The following TLN2 variants were observed in gnomAD, a reference collection of about 807,000 sequenced individuals.
TLN2 encodes the protein talin 2, also known as talin-2.
In TLN2, 118 loss-of-function variants were observed where a neutral mutation model predicts 294.7. The observed-to-expected ratio is 0.40, with a 90% CI of 0.34 to 0.47. The LOEUF (loss-of-function observed/expected upper bound fraction) is 0.47, where lower values mean the gene tolerates loss of function less well. Among genes scored for constraint, TLN2 ranks in the 20% least tolerant of loss-of-function variants. The probability of loss-of-function intolerance (pLI) is 0.84; values close to 1 mark genes in which losing one functional copy is unlikely to be tolerated. For synonymous variants in TLN2, 1,431 were observed against 1,304.5 expected (o/e 1.10, Z -2.09); for missense variants, 3,083 against 3,282.2 (o/e 0.94, Z 1.48).
chr15:62,705,517 T>A (rs781337269), intron 19 of TLN2, among the ~76,000 whole-genome samples: 2 of 152,192 alleles, frequency 1.3e-5, no homozygotes, highest in South Asian at 2.1e-4. Flanking sequence ...ACAAAATTAA[T>A]AAGAGGAACA....
At chr15:62,653,529 G>C (rs1205994677) in intron 7 of TLN2, among the ~76,000 whole-genome samples, 1 of 152,150 alleles carries the variant, frequency 6.6e-6, no homozygotes, top group Non-Finnish European at 1.5e-5. Flanking sequence ...TTTGAGACCA[G>C]CCTGGCCAAT....
At chr15:62,427,355 C>T (rs1271820356) in intron 1 of TLN2, among the ~76,000 whole-genome samples, 1 of 152,140 alleles carries the variant, frequency 6.6e-6, no homozygotes, top group African/African-American at 2.4e-5. Context: ...GGGTTACTTA[C>T]TTTTATTCTC....
In TLN2 at chr15:62,835,966, G is replaced by C. The variant is rs764307373; in HGVS notation, c.7267G>C (p.Glu2423Gln). 1.2e-6 allele frequency: 2 copies of C among 1,614,210 alleles called. No individual in the cohort carries two copies. The highest frequency in any genetic ancestry group is 1.7e-6 in the Non-Finnish European group (2 of 1,180,026). ...CTCCGTTCAGGGACACGCCAGCGAG[G>C]AGAAGCTCATCTCATCTGCCAAGCA... ...NASVQGHASE[E>Q]KLISSAKQVA... The change falls in exon 57 of 59, where the codon GAG (glutamate) becomes CAG (glutamine). Residue 2423 changes from glutamate (E) to glutamine (Q), a missense_variant. Transcript: ENST00000636159.
At chr15:62,437,746 C>T (rs1159124277) in intron 1 of TLN2, among the ~76,000 whole-genome samples, 7 of 91,452 alleles carry the variant, frequency 7.7e-5, no homozygotes, top group Non-Finnish European at 1.6e-4. Context: ...CAAAAAACAC[C>T]ATGGGGGTGT....
At position 62,800,439 on chromosome 15, in the gene TLN2, T is replaced by C; in HGVS notation, c.6306T>C (p.Ala2102=). 3 of 1,614,206 alleles carry C rather than the reference T, an allele frequency of 1.9e-6. No individual in the cohort carries two copies. The highest frequency in any genetic ancestry group is 2.5e-6 in the Non-Finnish European group (3 of 1,180,044). The part of the protein sequence containing the change: ...LSDLISATKG[A]ASKPVDDPSM... ...ATCTCATCAGTGCTACCAAGGGAGC[T>C]GCCAGCAAGCCAGTGGACGACCCTT... The change falls in exon 49 of 59, where the codon GCT becomes GCC. Residue 2102 remains alanine, a synonymous_variant. Coordinates refer to ENST00000636159, the MANE Select transcript of TLN2 (RefSeq NM_015059.3).
intron 11 of TLN2, chr15:62,683,882 C>T (rs10444842): frequency 0.82 from 124,889 of 152,152 alleles, 53,005 homozygotes; most frequent in East Asian, 0.95. Context: ...TACCCTGTGG[C>T]CCTCCCGTCA....
chr15:62,739,938 A>G (rs2061229559), intron 31 of TLN2, among the ~76,000 whole-genome samples: 1 of 152,184 alleles, frequency 6.6e-6, no homozygotes, highest in African/African-American at 2.4e-5. Context: ...TGTCTAATAC[A>G]GAGTGTCAAG....
chr15:62,561,062 C>T lies in TLN2; in HGVS notation c.-237-28625C>T, dbSNP rs75286272. Among the ~76,000 whole-genome samples the T allele has an allele frequency of 5.7e-3, 869 of 152,318 alleles. 4 individuals are homozygous for T. Among genetic ancestry groups the T allele is most frequent in the Admixed American group, 9.0e-3 (137 of 15,298 alleles). On this transcript the variant is annotated intron_variant, in intron 1 of 58. Transcript: ENST00000636159. ...AAGAAATCATTATTCCAAAACAAGA[C>T]GGAAGAAAGAGAACTAGCCCCATTC...
At chr15:62,416,336 C>A (rs928680080) in intron 1 of TLN2, among the ~76,000 whole-genome samples, 3 of 152,064 alleles carry the variant, frequency 2.0e-5, no homozygotes. Flanking sequence ...AAAACAAAAT[C>A]CCTCTTCAGT....
In TLN2 at chr15:62,792,715, C is replaced by T. The variant is rs267604278; in HGVS notation, c.5811C>T (p.Ala1937=). ...TCTTCCTGGTGCAGAAGGCAGGGGC[C>T]CTCCAGGTCTGCCCCACAGACAGCT... ...GCIFLVQKAG[A]LQVCPTDSYT... is the part of the protein sequence containing the mutation. The change falls in exon 46 of 59, where the codon GCC becomes GCT. Residue 1937 remains alanine, a synonymous_variant. Transcript: ENST00000636159. 6.2e-7 allele frequency: 1 copy of T among 1,614,042 alleles called. No individual in the cohort carries two copies. Among genetic ancestry groups the T allele is most frequent in the East Asian group, 2.2e-5 (1 of 44,882 alleles).
chr15:62,833,786 C>T (rs2069141020), intron 55 of TLN2, 157 bp downstream of exon 55: 4 of 1,081,658 alleles, frequency 3.7e-6, no homozygotes, highest in Non-Finnish European at 5.0e-6. Flanking sequence ...CTGAAAACTA[C>T]AGCCTTCAGA....
intron 24 of TLN2, among the ~76,000 whole-genome samples, chr15:62,719,414 G>A (rs779451527): frequency 4.6e-5 from 7 of 152,308 alleles, no homozygotes; most frequent in South Asian, 2.1e-4. Flanking sequence ...TTTACCACCT[G>A]TGAATCGTGT....
chr15:62,691,462 CTTTG>C (rs954640431), intron 12 of TLN2, among the ~76,000 whole-genome samples: 23 of 151,788 alleles, frequency 1.5e-4, no homozygotes, highest in African/African-American at 5.3e-4. Flanking sequence ...ACTTCTGTTT[CTTTG>C]TTTGAACTTT....
intron 52 of TLN2, among the ~76,000 whole-genome samples, chr15:62,811,878 G>C (rs1463445780): frequency 6.6e-6 from 1 of 151,970 alleles, no homozygotes. Context: ...CAGGCATGGT[G>C]GTGGGTGCCT....
chr15:62,524,231 CTG>C (rs2040613669), intron 1 of TLN2, among the ~76,000 whole-genome samples: 2 of 152,198 alleles, frequency 1.3e-5, no homozygotes, highest in Non-Finnish European at 2.9e-5. Flanking sequence ...GGAAATAAAA[CTG>C]TCTTACTGTT....
chr15:62,811,415 C>T (rs1363969544), intron 52 of TLN2, among the ~76,000 whole-genome samples: 1 of 152,198 alleles, frequency 6.6e-6, no homozygotes, highest in East Asian at 1.9e-4. Context: ...GTGTGCCTAG[C>T]AGGAAATGGA....
intron 2 of TLN2, among the ~76,000 whole-genome samples, chr15:62,591,922 G>C (rs192199898): frequency 2.6e-5 from 4 of 152,184 alleles, no homozygotes; most frequent in Non-Finnish European, 5.9e-5. Flanking sequence ...AGAGGGTGCT[G>C]AGTGGTCCAA....
At chr15:62,776,197 T>C (rs555264294) in intron 42 of TLN2, among the ~76,000 whole-genome samples, 28 of 152,294 alleles carry the variant, frequency 1.8e-4, no homozygotes, top group East Asian at 5.8e-4. Context: ...GTCTAAGGAA[T>C]GCATGGGTAC....
At chr15:62,573,697 A>G (rs2044129021) in intron 1 of TLN2, among the ~76,000 whole-genome samples, 2 of 150,790 alleles carry the variant, frequency 1.3e-5, no homozygotes, top group South Asian at 2.1e-4. Flanking sequence ...TCCCTAGTGC[A>G]TGGTTTCTGC....
Sources: allele counts gnomAD v4.1 joint callset (sites outside exome capture counted in the v4.1 genomes callset), GRCh38; gene constraint gnomAD v4.1.1; transcripts MANE v1.5; gene names NCBI Gene and HGNC (gene_info 2026-07-23, HGNC 2026-07-21).